The following CREB5 variants were observed in gnomAD, a reference collection of about 807,000 sequenced individuals.
The protein encoded by CREB5 is cAMP responsive element binding protein 5.
Under a neutral mutation model 57.1 loss-of-function variants are expected in CREB5, and 19 were observed. The ratio of observed to expected loss-of-function variants is 0.33; its 90% CI spans 0.23 to 0.49. The LOEUF is 0.49. Among genes scored for constraint, CREB5 ranks in the 20% least tolerant of loss-of-function variants. CREB5 has a pLI of 0.99. For synonymous variants in CREB5, 238 were observed against 238.3 expected, an observed-to-expected ratio of 1.00 and a Z score of 0.01; for missense variants, 579 against 671.6, an observed-to-expected ratio of 0.86 and a Z score of 1.52.
At chr7:28,379,640 G>C (rs889941338) in intron 1 of CREB5, among the ~76,000 whole-genome samples, 1 of 152,152 alleles carries the variant, frequency 6.6e-6, no homozygotes, top group African/African-American at 2.4e-5. Context: ...CCTGGTGCCT[G>C]GGTTACACAT....
At chr7:28,648,830 C>T (rs190708743) in intron 5 of CREB5, among the ~76,000 whole-genome samples, 1 of 152,272 alleles carries the variant, frequency 6.6e-6, no homozygotes, top group Non-Finnish European at 1.5e-5. Flanking sequence ...TACTTAAAGA[C>T]TCTTTTATTT....
At chr7:28,561,064 T>C (rs555645921) in intron 4 of CREB5, among the ~76,000 whole-genome samples, 3 of 150,710 alleles carry the variant, frequency 2.0e-5, no homozygotes, top group Admixed American at 1.3e-4. Context: ...TTCAGATTCA[T>C]GTGTTTTTCA....
intron 5 of CREB5, among the ~76,000 whole-genome samples, chr7:28,646,749 T>A (rs1035372271): frequency 1.3e-5 from 2 of 152,198 alleles, no homozygotes; most frequent in Admixed American, 6.5e-5. Flanking sequence ...TTTTTTTTAA[T>A]GTTCTTACTT....
intron 5 of CREB5, among the ~76,000 whole-genome samples, chr7:28,625,137 G>T (rs563580415): frequency 5.3e-5 from 8 of 151,902 alleles, no homozygotes; most frequent in Non-Finnish European, 1.0e-4. Flanking sequence ...ATGAGGAAAT[G>T]AGGCTTAGGG....
At chr7:28,797,918 C>T (rs772615851) in intron 7 of CREB5, among the ~76,000 whole-genome samples, 2 of 151,686 alleles carry the variant, frequency 1.3e-5, no homozygotes, top group Non-Finnish European at 2.9e-5. Context: ...CCTTCAGAAG[C>T]CTGTGTTGAC....
intron 2 of CREB5, among the ~76,000 whole-genome samples, chr7:28,489,176 C>A (rs552597878): frequency 1.3e-5 from 2 of 151,828 alleles, no homozygotes; most frequent in Admixed American, 1.3e-4. Flanking sequence ...TCAGGTGTGG[C>A]GAGTTACAGT....
At chr7:28,739,645 T>A (rs1000063693) in intron 7 of CREB5, among the ~76,000 whole-genome samples, 3 of 151,908 alleles carry the variant, frequency 2.0e-5, no homozygotes, top group Non-Finnish European at 2.9e-5. Context: ...CATATTCGAG[T>A]TTAGAGGACA....
chr7:28,517,418 A>G (rs1204691673), intron 4 of CREB5, among the ~76,000 whole-genome samples: 1 of 152,200 alleles, frequency 6.6e-6, no homozygotes, highest in Admixed American at 6.5e-5. Context: ...TCCCATCTGC[A>G]TTTCCAGCAC....
chr7:28,773,375 A>G (rs1397527383), intron 7 of CREB5, among the ~76,000 whole-genome samples: 1 of 152,242 alleles, frequency 6.6e-6, no homozygotes, highest in Non-Finnish European at 1.5e-5. Flanking sequence ...ATAATTACCT[A>G]AAGTTGGTTT....
chr7:28,310,464 G>A (rs1460238026), intron 1 of CREB5, among the ~76,000 whole-genome samples: 2 of 152,170 alleles, frequency 1.3e-5, no homozygotes, highest in African/African-American at 4.8e-5. Flanking sequence ...AAGAGCTTTG[G>A]GGGTCTGAAA....
At chr7:28,705,278 G>T (rs1031242798) in intron 5 of CREB5, among the ~76,000 whole-genome samples, 2 of 150,784 alleles carry the variant, frequency 1.3e-5, no homozygotes, top group Non-Finnish European at 2.9e-5. Flanking sequence ...CAGGAGAATT[G>T]CTTGAACCCG....
chr7:28,352,263 GGAAT>G (rs1353868266), intron 1 of CREB5, among the ~76,000 whole-genome samples: 4 of 152,144 alleles, frequency 2.6e-5, no homozygotes, highest in African/African-American at 9.7e-5. Flanking sequence ...AGCAGTGTTG[GGAAT>G]GGTCTCTCTT....
At chr7:28,512,898 C>T (rs1476668148) in intron 4 of CREB5, among the ~76,000 whole-genome samples, 2 of 152,156 alleles carry the variant, frequency 1.3e-5, no homozygotes, top group Non-Finnish European at 2.9e-5. Flanking sequence ...AGAATTCCTA[C>T]CAAAATGATT....
chr7:28,307,298 G>A (rs1200254601), intron 1 of CREB5, among the ~76,000 whole-genome samples: 1 of 152,178 alleles, frequency 6.6e-6, no homozygotes, highest in Non-Finnish European at 1.5e-5. Flanking sequence ...AGACCATGAA[G>A]GCTCTAGCCT....
intron 5 of CREB5, among the ~76,000 whole-genome samples, chr7:28,708,668 C>T (rs541640950): frequency 6.6e-6 from 1 of 152,154 alleles, no homozygotes; most frequent in Admixed American, 6.5e-5. Flanking sequence ...CTGCAAAATT[C>T]CGTCATCTAT....
intron 1 of CREB5, among the ~76,000 whole-genome samples, chr7:28,483,861 GGCC>G (rs1467222713): frequency 6.6e-6 from 1 of 152,082 alleles, no homozygotes. Flanking sequence ...TTTCTTCTCT[GGCC>G]ATAACTGTCA....
chr7:28,636,357 C>T (rs939267755), intron 5 of CREB5, among the ~76,000 whole-genome samples: 1 of 152,114 alleles, frequency 6.6e-6, no homozygotes, highest in Non-Finnish European at 1.5e-5. Context: ...TATCATCACA[C>T]ATGAAAAGAT....
intron 4 of CREB5, among the ~76,000 whole-genome samples, chr7:28,540,775 TAAG>T (rs1388621862): frequency 6.6e-6 from 1 of 152,206 alleles, no homozygotes; most frequent in Non-Finnish European, 1.5e-5. Context: ...GGTGTGATTG[TAAG>T]AAGGTCAGAA....
intron 5 of CREB5, among the ~76,000 whole-genome samples, chr7:28,623,377 A>G (rs181235036): frequency 4.6e-5 from 7 of 152,366 alleles, no homozygotes; most frequent in African/African-American, 1.4e-4. Flanking sequence ...ATTTTTAGCC[A>G]GAGTCATCAT....
Sources: gnomAD v4.1 joint callset for allele counts (sites outside exome capture counted in the v4.1 genomes callset) on GRCh38, gnomAD v4.1.1 for gene constraint, MANE v1.5 for transcripts, NCBI Gene and HGNC (gene_info 2026-07-23, HGNC 2026-07-21) for gene names.